LONP1: variants seen among roughly 807,000 people sequenced by gnomAD.
LONP1 encodes the protein lon protease homolog, mitochondrial.
In LONP1, 31 loss-of-function variants were observed where a neutral mutation model predicts 98.5. The ratio of observed to expected loss-of-function variants is 0.31; its 90% CI spans 0.24 to 0.42. The LOEUF is 0.42. LONP1 is among the 20% of genes least tolerant of loss of function. LONP1 has a pLI of 1.00. For missense variants in LONP1, 1,336 were observed against 1,350.6 expected (o/e 0.99, Z 0.17); for synonymous variants, 781 against 594.7 (o/e 1.31, Z -4.56).
chr19:5,693,101 G>A (rs1454259717), intron 17 of LONP1, among the ~76,000 whole-genome samples, 197 bp downstream of exon 17: 4 of 152,214 alleles, frequency 2.6e-5, no homozygotes, highest in Admixed American at 1.3e-4. Context: ...GGCTCAGAAT[G>A]TTCTCCACAA....
chr19:5,696,637 G>T (rs1467671631), intron 11 of LONP1, 33 bp downstream of exon 11: 1 of 1,595,528 alleles, frequency 6.3e-7, no homozygotes, highest in Admixed American at 1.7e-5. Flanking sequence ...GGCATTGCCG[G>T]GTTAGGGGGT....
At chr19:5,697,240 CTCTG>C (rs2054949532) in intron 10 of LONP1, among the ~76,000 whole-genome samples, 1 of 152,062 alleles carries the variant, frequency 6.6e-6, no homozygotes, top group Non-Finnish European at 1.5e-5. Flanking sequence ...GTGAGGAAGG[CTCTG>C]TCTGTGGGAT....
intron 4 of LONP1, among the ~76,000 whole-genome samples, chr19:5,710,745 G>A (rs939693635): frequency 6.6e-6 from 1 of 152,128 alleles, no homozygotes; most frequent in African/African-American, 2.4e-5. Context: ...CTCACAGGTG[G>A]CCGGGCACAG....
At position 5,699,194 on chromosome 19, in the gene LONP1, G is replaced by A. The variant is rs61738271; in HGVS notation, c.1518C>T (p.Ala506=). Residue 506 remains alanine, a synonymous_variant, in exon 10 of 18, where the codon GCC becomes GCT. Coordinates refer to ENST00000360614, the MANE Select transcript of LONP1 (RefSeq NM_004793.4). Reference sequence around the variant, plus strand: ...GGGTGGAGCCGCGGAGCTGGCTAACGGCAATGAACTCCTGCAGACAGAGGC... The same window carrying A: ...GGGTGGAGCCGCGGAGCTGGCTAACAGCAATGAACTCCTGCAGACAGAGGC... ...DVKKRILEFI[A]VSQLRGSTQG... The A allele has an allele frequency of 2.5e-3, 3,762 of 1,504,550 alleles. 49 individuals carry two copies. In the African/African-American group the frequency reaches 0.033, roughly 13 times the overall value. The allele number at this position is 1,504,550 out of a possible 1,614,324, so 93.2% of individuals were successfully genotyped here.
chr19:5,695,740 C>G (rs2054914197), intron 13 of LONP1, among the ~76,000 whole-genome samples: 1 of 152,272 alleles, frequency 6.6e-6, no homozygotes, highest in South Asian at 2.1e-4. Flanking sequence ...CTGCCAGAAA[C>G]CTTCCCTACA....
chr19:5,713,459 G>A (rs558097395), intron 2 of LONP1, among the ~76,000 whole-genome samples: 6 of 152,220 alleles, frequency 3.9e-5, no homozygotes, highest in Non-Finnish European at 7.3e-5. Flanking sequence ...TCACAGGACC[G>A]GGTGGGTGGC....
chr19:5,697,926 G>A (rs1599452790), intron 10 of LONP1, among the ~76,000 whole-genome samples: 1 of 152,032 alleles, frequency 6.6e-6, no homozygotes, highest in Non-Finnish European at 1.5e-5. Context: ...GGCTCCAAGA[G>A]GCTTCGCGAC....
chr19:5,701,270 C>A (rs1375776809), intron 8 of LONP1, among the ~76,000 whole-genome samples: 1 of 152,206 alleles, frequency 6.6e-6, no homozygotes, highest in Non-Finnish European at 1.5e-5. Flanking sequence ...ACGGTGAAAC[C>A]CTGTCTCTAC....
At chr19:5,708,316 G>C in intron 5 of LONP1, 26 bp downstream of exon 5, 1 of 1,584,798 alleles carries the variant, frequency 6.3e-7, no homozygotes, top group Non-Finnish European at 8.6e-7. Flanking sequence ...GCCCCCGCCT[G>C]GCCAGCTGCC....
In LONP1 at chr19:5,701,042, G is replaced by A. The variant is rs181762524; in HGVS notation, c.1368-115C>T. 1,032 of 1,172,118 alleles carry A rather than the reference G, an allele frequency of 8.8e-4. 2 individuals are homozygous for A. The highest frequency in any genetic ancestry group is 1.4e-3 in the Middle Eastern group (7 of 5,090). 72.6% of individuals were successfully genotyped at this position (1,172,118 alleles called of 1,614,324 possible). On this transcript the variant is annotated intron_variant, in intron 8 of 17. Coordinates refer to ENST00000360614, the MANE Select transcript of LONP1 (RefSeq NM_004793.4). ...GAAACCCATGTGTGGGGCTGAGCGCGGTGGCTCACGCCTGTAATCCCAGCT... is the reference window on the plus strand; with the variant it reads ...GAAACCCATGTGTGGGGCTGAGCGCAGTGGCTCACGCCTGTAATCCCAGCT...
chr19:5,714,310 A>ATTTTTTTTTTTT lies in LONP1; in HGVS notation c.430-40_430-39insAAAAAAAAAAAA, dbSNP rs769200423. 9.6e-6 allele frequency: 13 copies of ATTTTTTTTTTTT among 1,360,564 alleles called. No homozygotes were observed. In the African/African-American group the frequency reaches 1.8e-4, roughly 18 times the overall value. 84.3% of individuals were successfully genotyped at this position (1,360,564 alleles called of 1,614,324 possible). ...GACCCCAAAGTGAAATGCAGAGTAG[A>ATTTTTTTTTTTT]TTTTTTTTTTGAGACAGAGTCTCAT... On this transcript the variant is annotated intron_variant, in intron 1 of 17. Coordinates refer to ENST00000360614, the MANE Select transcript of LONP1 (RefSeq NM_004793.4).
At chr19:5,707,468 A>G (rs892508643) in intron 6 of LONP1, among the ~76,000 whole-genome samples, 3 of 152,310 alleles carry the variant, frequency 2.0e-5, no homozygotes, top group South Asian at 2.1e-4. Flanking sequence ...ACCGAAGGCT[A>G]TGAAGCCACC....
chr19:5,697,947 C>T (rs956122794), intron 10 of LONP1, among the ~76,000 whole-genome samples: 3 of 151,998 alleles, frequency 2.0e-5, no homozygotes, highest in Non-Finnish European at 4.4e-5. Context: ...CACTTCAAAC[C>T]GCTTGCCCAG....
At chr19:5,714,621 T>TC (rs1411809202) in intron 1 of LONP1, among the ~76,000 whole-genome samples, 1 of 144,178 alleles carries the variant, frequency 6.9e-6, no homozygotes, top group Non-Finnish European at 1.5e-5. Context: ...AGCTTTTCTT[T>TC]TTTTTTTTTT....
At position 5,699,152 on chromosome 19, in the gene LONP1, G is replaced by A. The variant is rs1268420618; in HGVS notation, c.1560C>T (p.Cys520=). ...TACCCACGCCAGGGGGGCCATAGAA[G>A]CAGAGGATCTTGCCCTGGGTGGAGC... The part of the protein sequence containing the change: ...LRGSTQGKIL[C]FYGPPGVGKT... Residue 520 remains cysteine, a synonymous_variant, in exon 10 of 18, where the codon TGC becomes TGT. Transcript: ENST00000360614. 6.4e-7 allele frequency: 1 copy of A among 1,553,248 alleles called. No individual in the cohort carries two copies. Among genetic ancestry groups the A allele is most frequent in the Non-Finnish European group, 8.8e-7 (1 of 1,142,326 alleles).
Position 5,707,714 on chromosome 19 carries a change from C to T in LONP1, c.1045G>A (p.Val349Ile), listed in dbSNP as rs199733142. 8.7e-6 allele frequency: 14 copies of T among 1,612,472 alleles called. No individual in the cohort carries two copies. The highest frequency in any genetic ancestry group is 1.1e-5 in the South Asian group (1 of 90,990). The change falls in exon 6 of 18, where the codon GTC becomes ATC. Residue 349 changes from valine (V) to isoleucine (I), a missense_variant. Val to Ile is a conservative substitution (Grantham distance 29). Transcript: ENST00000360614. The stretch of plus-strand genomic sequence containing the variant: ...GCACTCACATTGGTCTCTTCCAGGA[C>T]GTCCTGCAGCTCATGGGACTCGGCC... ...TGAESHELQDVLEETNIPKRL... is the reference protein window; with the variant it reads ...TGAESHELQDILEETNIPKRL...
intron 13 of LONP1, 85 bp downstream of exon 13, chr19:5,695,969 G>A (rs1246997365): frequency 1.8e-5 from 22 of 1,224,822 alleles, no homozygotes; most frequent in Middle Eastern, 2.4e-4. Context: ...GGGCCCAGGA[G>A]CTCCCAGAGG....
chr19:5,720,402 G>A (rs2055426750), upstream of LONP1: 1 of 587,230 alleles, frequency 1.7e-6, no homozygotes, highest in South Asian at 2.3e-5. Context: ...AACACTGGTA[G>A]TGTTGCAAAC....
chr19:5,706,039 G>T, intron 7 of LONP1, 47 bp from the exon 8 acceptor site: 1 of 1,368,812 alleles, frequency 7.3e-7, no homozygotes, highest in Non-Finnish European at 1.0e-6. Context: ...GGGAAGCTGG[G>T]TGGGTGGGTG....
Sources: gnomAD v4.1 joint callset for allele counts (sites outside exome capture counted in the v4.1 genomes callset) on GRCh38, gnomAD v4.1.1 for gene constraint, MANE v1.5 for transcripts, NCBI Gene and HGNC (gene_info 2026-07-23, HGNC 2026-07-21) for gene names.